The following SFTPC variants were observed in gnomAD, a reference collection of about 807,000 sequenced individuals.
The protein encoded by SFTPC is surfactant protein C, also known as BRICHOS domain containing 6.
A neutral mutation model predicts 19.9 loss-of-function variants in SFTPC; 12 were observed. The ratio of observed to expected loss-of-function variants is 0.60; its 90% CI spans 0.39 to 0.98. The LOEUF (loss-of-function observed/expected upper bound fraction) is 0.98, where lower values mean the gene tolerates loss of function less well. Ranked by LOEUF, SFTPC falls within the 50% of genes least tolerant of loss-of-function variation. The pLI is 0.00. For synonymous variants in SFTPC, 123 were observed against 103.3 expected (o/e 1.19, Z -1.16); for missense variants, 219 against 252.2 (o/e 0.87, Z 0.89).
chr8:22,164,272 T>G lies in SFTPC; in HGVS notation c.*25T>G. On this transcript the variant is annotated 3_prime_UTR_variant, in exon 6 of 6. Coordinates refer to ENST00000679463, the MANE Select transcript of SFTPC (RefSeq NM_001317778.2). ...ACATTCCTTTGCTTCACAGGGTCAG[T>G]GGAAGCCCCAACGGGAAAGGAAACG... 1 of 1,536,156 alleles carries G rather than the reference T, an allele frequency of 6.5e-7. No homozygotes were observed.
At chr8:22,163,344 C>T (rs368604198) in intron 3 of SFTPC, 92 bp from the exon 4 acceptor site, 31 of 1,495,998 alleles carry the variant, frequency 2.1e-5, no homozygotes, top group Non-Finnish European at 2.4e-5. Context: ...GTATGACTCC[C>T]GTGCCCAACC....
At chr8:22,162,254 G>A (rs1586419050) in intron 1 of SFTPC, among the ~76,000 whole-genome samples, 1 of 152,174 alleles carries the variant, frequency 6.6e-6, no homozygotes, top group Non-Finnish European at 1.5e-5. Flanking sequence ...CTGTATCACC[G>A]CATGGAGGTG....
chr8:22,162,775 A>C, intron 2 of SFTPC, 43 bp downstream of exon 2: 1 of 1,611,880 alleles, frequency 6.2e-7, no homozygotes, highest in Non-Finnish European at 8.5e-7. Context: ...AGGACATGCC[A>C]GACAGCGGGG....
At chr8:22,158,037 A>T (rs534236144), upstream of SFTPC, among the ~76,000 whole-genome samples, 8 of 152,288 alleles carry the variant, frequency 5.3e-5, no homozygotes, top group Admixed American at 5.2e-4. Context: ...GCTCTCTACC[A>T]CGTTAGCTCC....
At chr8:22,158,002 G>GA (rs1827564820), upstream of SFTPC, among the ~76,000 whole-genome samples, 1 of 152,146 alleles carries the variant, frequency 6.6e-6, no homozygotes, top group South Asian at 2.1e-4. Flanking sequence ...AAGGGGTCCT[G>GA]AAAACAAAAA....
At chr8:22,163,649 A>G in intron 4 of SFTPC, 103 bp downstream of exon 4, 2 of 872,100 alleles carry the variant, frequency 2.3e-6, no homozygotes, top group Non-Finnish European at 3.8e-6. Flanking sequence ...ACTGTTCCTC[A>G]TTGGCTGCCA....
chr8:22,164,186 G>C (rs1049005777), intron 5 of SFTPC, 80 bp from the exon 6 acceptor site: 4 of 1,536,708 alleles, frequency 2.6e-6, no homozygotes, highest in Middle Eastern at 1.7e-4. Flanking sequence ...AGGCAACTCG[G>C]GGGAGGGGAA....
chr8:22,164,219 C>T (rs1414221671), intron 5 of SFTPC, 47 bp from the exon 6 acceptor site: 1 of 1,515,754 alleles, frequency 6.6e-7, no homozygotes, highest in Non-Finnish European at 8.8e-7. Flanking sequence ...GTACTTCCCA[C>T]TCCCCTGATT....
intron 1 of SFTPC, among the ~76,000 whole-genome samples, chr8:22,162,171 C>T (rs143558389): frequency 4.7e-4 from 71 of 152,214 alleles, no homozygotes; most frequent in African/African-American, 3.1e-4. Context: ...AAACCACATA[C>T]GAGCTGGAGC....
In SFTPC at chr8:22,161,814, A is replaced by G; in HGVS notation, c.-15A>G. On this transcript the variant is annotated 5_prime_UTR_variant, in exon 1 of 6. It adds an upstream start codon to the 5' untranslated region. Coordinates refer to ENST00000679463, the MANE Select transcript of SFTPC (RefSeq NM_001317778.2). Reference sequence around the variant, plus strand: ...CTGGGAGAGGAGGAGAGGAGAGCATAGCACCTGCAGCAAGATGGATGTGGG... The same window carrying G: ...CTGGGAGAGGAGGAGAGGAGAGCATGGCACCTGCAGCAAGATGGATGTGGG... 1 of 1,614,094 alleles carries G rather than the reference A, an allele frequency of 6.2e-7. No homozygotes were observed. Among genetic ancestry groups the G allele is most frequent in the South Asian group, 1.1e-5 (1 of 91,084 alleles).
chr8:22,159,452 C>T (rs1827628627), upstream of SFTPC: 18 of 318,076 alleles, frequency 5.7e-5, no homozygotes, highest in South Asian at 4.3e-4. Flanking sequence ...AGCTAAAGGT[C>T]CTTCTGTGTC....
chr8:22,162,998 T>C, intron 2 of SFTPC, 82 bp from the exon 3 acceptor site: 1 of 1,586,218 alleles, frequency 6.3e-7, no homozygotes, highest in Non-Finnish European at 8.6e-7. Context: ...CGCATTTGAG[T>C]ACAGAGGCCT....
Position 22,161,884 on chromosome 8 carries a change from C to G in SFTPC, c.42+14C>G, listed in dbSNP as rs375113623. 3 of 1,613,230 alleles carry G rather than the reference C, an allele frequency of 1.9e-6. No individual in the cohort carries two copies. In the African/African-American group the frequency reaches 4.0e-5, roughly 22 times the overall value. On this transcript the variant is annotated intron_variant, in intron 1 of 5. Transcript: ENST00000679463. ...GAGAGCCCGCCGGTGAGTGTGGTTG[C>G]GTGTGTGTATGTATGTGTGCGCGCG... is the stretch of plus-strand genomic sequence containing the variant.
intron 3 of SFTPC, 98 bp from the exon 4 acceptor site, chr8:22,163,338 G>T: frequency 1.3e-6 from 2 of 1,508,444 alleles, no homozygotes; most frequent in South Asian, 2.3e-5. Flanking sequence ...ATTCTAGTAT[G>T]ACTCCCGTGC....
At chr8:22,159,917 G>C (rs1228262410), upstream of SFTPC, 3 of 1,065,420 alleles carry the variant, frequency 2.8e-6, no homozygotes, top group Admixed American at 2.4e-5. Context: ...AGGGCCCTGG[G>C]GGAGGGCAGG....
chr8:22,158,318 G>T (rs1179443132), upstream of SFTPC, among the ~76,000 whole-genome samples: 3 of 152,210 alleles, frequency 2.0e-5, no homozygotes, highest in Admixed American at 1.3e-4. Context: ...CCCCATGCCA[G>T]CTTGGGGGGA....
intron 4 of SFTPC, 156 bp downstream of exon 4, chr8:22,163,702 TC>T: frequency 1.3e-6 from 1 of 799,162 alleles, no homozygotes. Context: ...CTCCTTTCCT[TC>T]CCACCCCACT....
At chr8:22,160,370 G>C (rs1289412896), upstream of SFTPC, among the ~76,000 whole-genome samples, 1 of 152,194 alleles carries the variant, frequency 6.6e-6, no homozygotes, top group Non-Finnish European at 1.5e-5. Context: ...TGTAATCCTA[G>C]CACTTTAGGA....
At chr8:22,158,457 G>A (rs1433299864), upstream of SFTPC, among the ~76,000 whole-genome samples, 1 of 152,206 alleles carries the variant, frequency 6.6e-6, no homozygotes, top group Non-Finnish European at 1.5e-5. Flanking sequence ...CTGAGGGGCT[G>A]GAGGAGGAAA....
Sources: allele counts gnomAD v4.1 joint callset (sites outside exome capture counted in the v4.1 genomes callset), GRCh38; gene constraint gnomAD v4.1.1; transcripts MANE v1.5; gene names NCBI Gene and HGNC (gene_info 2026-07-23, HGNC 2026-07-21).